The following FRMD4B variants were observed in gnomAD, a reference collection of about 807,000 sequenced individuals.
FRMD4B encodes the protein FERM domain containing 4B.
FRMD4B carries 74 observed loss-of-function variants against 141.5 expected under a neutral mutation model. That is an observed-to-expected ratio of 0.52 (90% CI 0.43 to 0.63). FRMD4B has a LOEUF of 0.63. Among genes scored for constraint, FRMD4B ranks in the 30% least tolerant of loss-of-function variants. FRMD4B has a pLI of 0.00. For synonymous variants in FRMD4B, 506 were observed against 467.9 expected (o/e 1.08, Z -1.05); for missense variants, 1,366 against 1,253.4 (o/e 1.09, Z -1.36).
chr3:69,436,326 G>A (rs1026390331), intron 1 of FRMD4B, among the ~76,000 whole-genome samples: 2 of 152,010 alleles, frequency 1.3e-5, no homozygotes, highest in Non-Finnish European at 2.9e-5. Flanking sequence ...TCAATCAGAC[G>A]GAAATATATA....
chr3:69,236,737 A>G lies in FRMD4B; in HGVS notation c.582-12047T>C, dbSNP rs576062386. Among the ~76,000 whole-genome samples, 11 of 152,306 alleles carry G rather than the reference A, an allele frequency of 7.2e-5. No homozygotes were observed. The East Asian group carries it at 1.4e-3, about 19-fold the overall frequency. ...GCTCAGAGTAAGATCTCTACCCTGG[A>G]TGAGTTATCTCTGTTACTGTTAGGG... is the stretch of plus-strand genomic sequence containing the variant. On this transcript the variant is annotated intron_variant, in intron 7 of 22. Coordinates refer to ENST00000398540, the MANE Select transcript of FRMD4B (RefSeq NM_015123.3).
At chr3:69,328,183 A>C (rs1001690828) in intron 1 of FRMD4B, among the ~76,000 whole-genome samples, 5 of 152,024 alleles carry the variant, frequency 3.3e-5, no homozygotes, top group African/African-American at 1.2e-4. Context: ...GGTACAACTA[A>C]TATGAACTTA....
At chr3:69,284,725 C>A (rs867703448) in intron 5 of FRMD4B, among the ~76,000 whole-genome samples, 2 of 152,060 alleles carry the variant, frequency 1.3e-5, no homozygotes, top group African/African-American at 2.4e-5. Flanking sequence ...AAAAATCAAT[C>A]AAAAATACCC....
intron 1 of FRMD4B, among the ~76,000 whole-genome samples, chr3:69,378,651 G>A (rs148448045): frequency 2.6e-5 from 4 of 152,066 alleles, no homozygotes; most frequent in African/African-American, 7.2e-5. Context: ...AAGTCTATCC[G>A]CCTCACGGCT....
At chr3:69,367,375 C>T (rs886527946) in intron 1 of FRMD4B, among the ~76,000 whole-genome samples, 2 of 152,114 alleles carry the variant, frequency 1.3e-5, no homozygotes, top group Admixed American at 1.3e-4. Context: ...TATACATGTC[C>T]AGCCCCATCC....
intron 2 of FRMD4B, among the ~76,000 whole-genome samples, chr3:69,410,746 T>TTTGAG (rs1704745376): frequency 5.9e-5 from 1 of 16,860 alleles, no homozygotes; most frequent in African/African-American, 2.2e-4. Flanking sequence ...TATATATATA[T>TTTGAG]ATATATATAT....
intron 1 of FRMD4B, among the ~76,000 whole-genome samples, chr3:69,328,826 G>T (rs903188338): frequency 2.0e-5 from 3 of 152,048 alleles, no homozygotes; most frequent in African/African-American, 7.3e-5. Context: ...TCACTTCTGG[G>T]AACTGCCTGC....
intron 11 of FRMD4B, among the ~76,000 whole-genome samples, chr3:69,207,910 G>A (rs534959887): frequency 1.1e-4 from 17 of 151,976 alleles, no homozygotes; most frequent in African/African-American, 2.9e-4. Flanking sequence ...ACGGAACTCC[G>A]TAAGCTCCAG....
At chr3:69,323,922 A>G (rs1702099308) in intron 1 of FRMD4B, among the ~76,000 whole-genome samples, 1 of 152,088 alleles carries the variant, frequency 6.6e-6, no homozygotes, top group South Asian at 2.1e-4. Context: ...CACTTAATGT[A>G]TCACCTTGAT....
chr3:69,374,559 A>G (rs762473869), intron 1 of FRMD4B, among the ~76,000 whole-genome samples: 2 of 152,246 alleles, frequency 1.3e-5, no homozygotes, highest in Non-Finnish European at 2.9e-5. Context: ...GATAGCAGAC[A>G]TGGGGTCCTA....
intron 2 of FRMD4B, among the ~76,000 whole-genome samples, chr3:69,399,554 T>C (rs148413743): frequency 6.6e-6 from 1 of 152,340 alleles, no homozygotes; most frequent in East Asian, 1.9e-4. Context: ...ATAACTTTTG[T>C]CTGTGTTCCT....
At chr3:69,431,037 T>A (rs1705170433) in intron 2 of FRMD4B, among the ~76,000 whole-genome samples, 1 of 151,908 alleles carries the variant, frequency 6.6e-6, no homozygotes, top group Non-Finnish European at 1.5e-5. Context: ...AGAGCCAGGC[T>A]GCATTGTGCA....
chr3:69,536,038 C>T (rs1179073024), intron 1 of FRMD4B: 2 of 408,916 alleles, frequency 4.9e-6, no homozygotes, highest in African/African-American at 4.2e-5. Context: ...GTGGCCTTGT[C>T]TGGCTTAGGG....
chr3:69,192,969 C>G lies in FRMD4B; in HGVS notation c.1714+679G>C, dbSNP rs1221517243. 3.3e-5 allele frequency among the ~76,000 whole-genome samples: 5 copies of G among 152,022 alleles called. No individual in the cohort carries two copies. In the East Asian group the frequency reaches 9.7e-4, roughly 30 times the overall value. On this transcript the variant is annotated intron_variant, in intron 17 of 22. Transcript: ENST00000398540. ...TGTGGCTGGGACTACAGGTATGTACCACCATGCCTGGCTAATTTTTAAAAT... is the reference window on the plus strand; with the variant it reads ...TGTGGCTGGGACTACAGGTATGTACGACCATGCCTGGCTAATTTTTAAAAT...
Position 69,290,097 on chromosome 3 carries a change from C to T in FRMD4B, c.417-2261G>A, listed in dbSNP as rs186640411. On this transcript the variant is annotated intron_variant, in intron 4 of 22. Transcript: ENST00000398540. ...TTGGGTAGACAGTATTCTCCTCTCCCATCAGTCTAGTGTCTTCTACCCTGA... is the reference window on the plus strand; with the variant it reads ...TTGGGTAGACAGTATTCTCCTCTCCTATCAGTCTAGTGTCTTCTACCCTGA... Among the ~76,000 whole-genome samples the T allele has an allele frequency of 2.2e-3, 328 of 152,250 alleles. 2 individuals carry two copies. Among genetic ancestry groups the T allele is most frequent in the Non-Finnish European group, 3.7e-3 (255 of 68,014 alleles).
intron 11 of FRMD4B, among the ~76,000 whole-genome samples, chr3:69,210,137 G>A (rs2093061657): frequency 6.6e-6 from 1 of 152,196 alleles, no homozygotes; most frequent in South Asian, 2.1e-4. Flanking sequence ...TGGTGATGAA[G>A]TTCACCTCAA....
chr3:69,177,054 G>A (rs896726908), intron 21 of FRMD4B, among the ~76,000 whole-genome samples: 1 of 152,116 alleles, frequency 6.6e-6, no homozygotes, highest in Non-Finnish European at 1.5e-5. Context: ...AATCTAGGTT[G>A]GGGCCAGGTG....
intron 1 of FRMD4B, among the ~76,000 whole-genome samples, chr3:69,460,201 G>A (rs12053845): frequency 0.28 from 42,265 of 152,012 alleles, 6,249 homozygotes; most frequent in East Asian, 0.54. Context: ...AAGGGAAGGC[G>A]TTCTGGCATG....
At chr3:69,516,319 A>G (rs1013690396) in intron 1 of FRMD4B, among the ~76,000 whole-genome samples, 19 of 152,204 alleles carry the variant, frequency 1.2e-4, no homozygotes, top group African/African-American at 4.6e-4. Flanking sequence ...TGCAGATGTG[A>G]TGAAGTTAAG....
Sources: allele counts gnomAD v4.1 joint callset (sites outside exome capture counted in the v4.1 genomes callset), GRCh38; gene constraint gnomAD v4.1.1; transcripts MANE v1.5; gene names NCBI Gene and HGNC (gene_info 2026-07-23, HGNC 2026-07-21).